EHD4: variants seen among roughly 807,000 people sequenced by gnomAD.
The protein encoded by EHD4 is EH domain-containing protein 4.
In EHD4, 37 loss-of-function variants were observed where a neutral mutation model predicts 51.0. That is an observed-to-expected ratio of 0.73 (90% CI 0.56 to 0.95). EHD4 has a LOEUF of 0.95. EHD4 is among the 40% of genes least tolerant of loss of function. The pLI is 0.00. For synonymous variants in EHD4, 297 were observed against 317.3 expected, an observed-to-expected ratio of 0.94 and a Z score of 0.68; for missense variants, 632 against 733.1, an observed-to-expected ratio of 0.86 and a Z score of 1.59.
At chr15:41,945,514 G>A (rs1566824667) in intron 2 of EHD4, among the ~76,000 whole-genome samples, 1 of 152,198 alleles carries the variant, frequency 6.6e-6, no homozygotes, top group Non-Finnish European at 1.5e-5. Flanking sequence ...GGTGGAGGCG[G>A]AGGGAGAGCT....
chr15:41,926,105 C>T (rs2073453202), intron 3 of EHD4: 1 of 152,200 alleles, frequency 6.6e-6, no homozygotes, highest in African/African-American at 2.4e-5. Flanking sequence ...ACCTGTAATC[C>T]CAGCACTTTG....
intron 4 of EHD4, among the ~76,000 whole-genome samples, chr15:41,917,694 G>A (rs1011424611): frequency 9.2e-5 from 14 of 152,196 alleles, no homozygotes; most frequent in African/African-American, 2.4e-4. Context: ...CTGCTACCAA[G>A]CATTAGGCCC....
intron 1 of EHD4, among the ~76,000 whole-genome samples, chr15:41,961,156 G>A (rs1035935601): frequency 9.9e-5 from 15 of 152,108 alleles, no homozygotes; most frequent in African/African-American, 3.1e-4. Context: ...AAAACTTTTC[G>A]TATCTCAGGC....
In EHD4 at chr15:41,919,349, G is replaced by T; in HGVS notation, c.785C>A (p.Ala262Glu). Residue 262 changes from alanine (A) to glutamate (E), a missense_variant, in exon 4 of 6, where the codon GCG becomes GAG. Transcript: ENST00000220325. ...VLRVYIGSFW[A>E]QPLQNTDNRR... The stretch of plus-strand genomic sequence containing the variant: ...GTTGTCCGTGTTCTGCAGGGGCTGC[G>T]CCCAGAAGGAGCCAATGTAGACGCG... 6.2e-7 allele frequency: 1 copy of T among 1,614,164 alleles called. No individual in the cohort carries two copies. The highest frequency in any genetic ancestry group is 2.2e-5 in the East Asian group (1 of 44,886).
chr15:41,929,872 G>A (rs2067687225), intron 3 of EHD4, among the ~76,000 whole-genome samples: 1 of 152,240 alleles, frequency 6.6e-6, no homozygotes, highest in Non-Finnish European at 1.5e-5. Flanking sequence ...ACACGAACTA[G>A]TTACAGTGCC....
chr15:41,909,347 G>A (rs936273143), intron 5 of EHD4, among the ~76,000 whole-genome samples: 10 of 152,164 alleles, frequency 6.6e-5, no homozygotes, highest in African/African-American at 1.2e-4. Context: ...GGAGGAGGCC[G>A]CCCAAGGTGA....
intron 2 of EHD4, among the ~76,000 whole-genome samples, chr15:41,945,746 A>G (rs1430923228): frequency 6.6e-6 from 1 of 152,258 alleles, no homozygotes; most frequent in Non-Finnish European, 1.5e-5. Context: ...TGTTCTAGCA[A>G]TCATGCCTCA....
rs1007831074 is a variant in EHD4 at position 41,900,463 on chromosome 15, A to G, written c.*182T>C. 9.6e-6 allele frequency: 6 copies of G among 624,482 alleles called. No individual in the cohort carries two copies. The highest frequency in any genetic ancestry group is 1.8e-5 in the African/African-American group (1 of 54,152). The allele number at this position is 624,482 out of a possible 1,614,324, so 38.7% of individuals were successfully genotyped here. On this transcript the variant is annotated 3_prime_UTR_variant, in exon 6 of 6. Coordinates refer to ENST00000220325, the MANE Select transcript of EHD4 (RefSeq NM_139265.4). This position sits in a 1 kb window ranked among gnomAD's most constrained non-coding sequence, Gnocchi z 4.8. ...TACCCCCAATATTTTCATAGAAACT[A>G]AGGGAATTTTGGAGGTGAAAGAAGT...
intron 1 of EHD4, among the ~76,000 whole-genome samples, chr15:41,967,851 A>T (rs1040323270): frequency 6.6e-6 from 1 of 152,188 alleles, no homozygotes; most frequent in African/African-American, 2.4e-5. Context: ...AAAGCCACCA[A>T]ATACAGTTCT....
chr15:41,945,564 G>T lies in EHD4; in HGVS notation c.414-2400C>A, dbSNP rs1421073750. On this transcript the variant is annotated intron_variant, in intron 2 of 5. Coordinates refer to ENST00000220325, the MANE Select transcript of EHD4 (RefSeq NM_139265.4). ...TCAAGAGTGGGCAGCTGGGGTTTTGGGTGCACAGCTGGACTCTGCTCCCTG... is the reference window on the plus strand; with the variant it reads ...TCAAGAGTGGGCAGCTGGGGTTTTGTGTGCACAGCTGGACTCTGCTCCCTG... Among the ~76,000 whole-genome samples the T allele has an allele frequency of 2.6e-5, 4 of 152,220 alleles. No individual in the cohort carries two copies. In the East Asian group the frequency reaches 7.7e-4, roughly 29 times the overall value.
chr15:41,969,784 C>A (rs573530732), intron 1 of EHD4, among the ~76,000 whole-genome samples: 2 of 152,260 alleles, frequency 1.3e-5, no homozygotes, highest in East Asian at 3.9e-4. Context: ...CCTTCTCTGG[C>A]CAATTCTTTA....
intron 4 of EHD4, among the ~76,000 whole-genome samples, chr15:41,915,442 T>C (rs1002315751): frequency 1.3e-5 from 2 of 152,242 alleles, no homozygotes; most frequent in African/African-American, 4.8e-5. Context: ...TTTGAAAGAA[T>C]AAGCTAAATT....
At chr15:41,923,963 A>G (rs2067644441) in intron 3 of EHD4, among the ~76,000 whole-genome samples, 1 of 152,220 alleles carries the variant, frequency 6.6e-6, no homozygotes, top group South Asian at 2.1e-4. Context: ...TCATTCTTCA[A>G]AATATCTGGG....
intron 2 of EHD4, among the ~76,000 whole-genome samples, chr15:41,952,542 G>A (rs1320699322): frequency 1.3e-5 from 2 of 152,138 alleles, no homozygotes; most frequent in African/African-American, 2.4e-5. Flanking sequence ...GGGCAGAGTT[G>A]TAGCCAGGGG....
chr15:41,948,436 G>A (rs2067829788), intron 2 of EHD4, among the ~76,000 whole-genome samples: 1 of 152,106 alleles, frequency 6.6e-6, no homozygotes, highest in Non-Finnish European at 1.5e-5. Context: ...GGGATTATAG[G>A]TGTGAGCCAC....
At chr15:41,937,077 T>C (rs1473677521) in intron 3 of EHD4, among the ~76,000 whole-genome samples, 3 of 152,174 alleles carry the variant, frequency 2.0e-5, no homozygotes, top group African/African-American at 4.8e-5. Context: ...ATGCAAACTC[T>C]AAATAAAAAA....
At chr15:41,956,041 C>T (rs1019085425) in intron 1 of EHD4, among the ~76,000 whole-genome samples, 5 of 152,196 alleles carry the variant, frequency 3.3e-5, no homozygotes, top group African/African-American at 4.8e-5. Flanking sequence ...CAGCCAGTGT[C>T]GCCCAGCTCC....
chr15:41,914,932 C>T (rs1267435598), intron 4 of EHD4, among the ~76,000 whole-genome samples: 2 of 151,958 alleles, frequency 1.3e-5, no homozygotes, highest in Non-Finnish European at 2.9e-5. Context: ...ATTACAGGCG[C>T]CCACCTCCAC....
intron 1 of EHD4, among the ~76,000 whole-genome samples, chr15:41,964,145 A>T (rs1318794705): frequency 1.9e-5 from 2 of 104,448 alleles, no homozygotes; most frequent in African/African-American, 9.1e-5. Flanking sequence ...ACTCCATCTC[A>T]AAAAAAAAAA....
Sources: allele counts gnomAD v4.1 joint callset (sites outside exome capture counted in the v4.1 genomes callset), GRCh38; gene constraint gnomAD v4.1.1; non-coding constraint Gnocchi (gnomAD v3.1); transcripts MANE v1.5; gene names NCBI Gene and HGNC (gene_info 2026-07-23, HGNC 2026-07-21).